The following SPON1 variants were observed in gnomAD, a reference collection of about 807,000 sequenced individuals.
The protein encoded by SPON1 is spondin-1.
Under a neutral mutation model 111.7 loss-of-function variants are expected in SPON1, and 52 were observed. The observed-to-expected ratio is 0.47, with a 90% confidence interval of 0.37 to 0.59. The LOEUF (loss-of-function observed/expected upper bound fraction) is 0.59, where lower values mean the gene tolerates loss of function less well. SPON1 is among the 20% of genes least tolerant of loss of function. SPON1 has a pLI of 0.00. For synonymous variants in SPON1, 410 were observed against 395.8 expected (o/e 1.04, Z -0.43); for missense variants, 957 against 1,068.5 (o/e 0.90, Z 1.46).
chr11:14,009,281 T>G (rs1554913495), intron 2 of SPON1, among the ~76,000 whole-genome samples: 1 of 152,192 alleles, frequency 6.6e-6, no homozygotes, highest in East Asian at 1.9e-4. Flanking sequence ...TGACCCCTAC[T>G]CATCTCTCCA....
chr11:14,024,810 C>T (rs555062585), intron 2 of SPON1, among the ~76,000 whole-genome samples: 2 of 152,334 alleles, frequency 1.3e-5, no homozygotes, highest in African/African-American at 4.8e-5. Flanking sequence ...GCCCTACTTC[C>T]GCATCACTGA....
At chr11:13,964,078 C>G (rs953681261) in intron 1 of SPON1, among the ~76,000 whole-genome samples, 1 of 152,182 alleles carries the variant, frequency 6.6e-6, no homozygotes, top group African/African-American at 2.4e-5. Flanking sequence ...TCGACCAGCA[C>G]CGATCTGAAG....
At chr11:14,104,141 A>G (rs558221246) in intron 5 of SPON1, among the ~76,000 whole-genome samples, 18 of 152,022 alleles carry the variant, frequency 1.2e-4, no homozygotes, top group African/African-American at 4.3e-4. Context: ...TAGTGTTTTT[A>G]TCCTTTTTCT....
chr11:14,115,973 G>A (rs561013334), intron 5 of SPON1, among the ~76,000 whole-genome samples: 13 of 152,256 alleles, frequency 8.5e-5, no homozygotes, highest in East Asian at 1.9e-4. Context: ...GTGATATCAC[G>A]TTGGGATTTT....
chr11:14,144,633 CCAATAATAATAA>C (rs1339700989), intron 6 of SPON1, among the ~76,000 whole-genome samples: 4 of 123,970 alleles, frequency 3.2e-5, no homozygotes, highest in East Asian at 2.2e-4. Context: ...GACTCCATCT[CCAATAATAATAA>C]TAATAATAAT....
intron 6 of SPON1, among the ~76,000 whole-genome samples, chr11:14,218,445 T>TA (rs782605751): frequency 9.2e-5 from 14 of 152,294 alleles, no homozygotes; most frequent in Non-Finnish European, 1.5e-4. Flanking sequence ...GTCCCCCTGA[T>TA]AAAATATGAT....
intron 6 of SPON1, among the ~76,000 whole-genome samples, chr11:14,210,887 A>G (rs1848568249): frequency 6.6e-6 from 1 of 152,124 alleles, no homozygotes; most frequent in South Asian, 2.1e-4. Context: ...TGTTTTTGTC[A>G]GGTTTGTCAA....
intron 14 of SPON1, 102 bp downstream of exon 14, chr11:14,260,854 G>T: frequency 7.6e-7 from 1 of 1,313,664 alleles, no homozygotes; most frequent in South Asian, 1.5e-5. Context: ...GAATAACATG[G>T]TTTGCTGGGG....
chr11:13,963,387 G>A (rs782604594), intron 1 of SPON1, among the ~76,000 whole-genome samples: 1 of 152,218 alleles, frequency 6.6e-6, no homozygotes, highest in Non-Finnish European at 1.5e-5. Context: ...TCCGACGCGC[G>A]GTTCCCAGGC....
At chr11:14,149,947 C>T (rs1288866859) in intron 6 of SPON1, among the ~76,000 whole-genome samples, 2 of 152,082 alleles carry the variant, frequency 1.3e-5, no homozygotes, top group Non-Finnish European at 2.9e-5. Context: ...CCTTAAGGCA[C>T]TCCTAGTCTC....
At chr11:14,102,502 A>G (rs1554924484) in intron 5 of SPON1, among the ~76,000 whole-genome samples, 1 of 152,200 alleles carries the variant, frequency 6.6e-6, no homozygotes, top group African/African-American at 2.4e-5. Context: ...CCACATTTCA[A>G]TCACACAGTA....
chr11:13,969,812 A>G (rs782461634), intron 1 of SPON1, among the ~76,000 whole-genome samples: 20 of 152,248 alleles, frequency 1.3e-4, no homozygotes, highest in Non-Finnish European at 1.8e-4. Context: ...ACGAATTGGC[A>G]TGTATCAATA....
At chr11:14,049,117 GTAAGTGACAGAGTTGGGATTCAA>G (rs1848690176) in intron 3 of SPON1, among the ~76,000 whole-genome samples, 1 of 152,184 alleles carries the variant, frequency 6.6e-6, no homozygotes. Flanking sequence ...AGGTCACAGA[GTAAGTGACAGAGTTGGGATTCAA>G]ACAGAAGCAT....
chr11:14,175,563 ACAGC>A (rs1288230295), intron 6 of SPON1, among the ~76,000 whole-genome samples: 2 of 152,206 alleles, frequency 1.3e-5, no homozygotes, highest in Non-Finnish European at 2.9e-5. Context: ...CAGATTTGCT[ACAGC>A]CTAAGACTAG....
intron 6 of SPON1, among the ~76,000 whole-genome samples, chr11:14,174,346 A>G (rs1848148244): frequency 6.6e-6 from 1 of 152,204 alleles, no homozygotes; most frequent in Admixed American, 6.5e-5. Flanking sequence ...CAAGTGTGCT[A>G]AGAGTCAAGT....
chr11:13,964,456 G>GCC (rs1554907848), intron 1 of SPON1, among the ~76,000 whole-genome samples: 1 of 152,184 alleles, frequency 6.6e-6, no homozygotes, highest in Non-Finnish European at 1.5e-5. Flanking sequence ...CCAGGGTCAC[G>GCC]CCGGAGACCA....
chr11:14,229,915 C>CAT (rs1848777817), intron 6 of SPON1, among the ~76,000 whole-genome samples: 2 of 150,160 alleles, frequency 1.3e-5, no homozygotes, highest in Admixed American at 6.6e-5. Flanking sequence ...GAGAGGCCAG[C>CAT]CTGTGTGTGT....
At chr11:14,244,853 C>T (rs115879693) in intron 7 of SPON1, among the ~76,000 whole-genome samples, 4 of 152,196 alleles carry the variant, frequency 2.6e-5, no homozygotes, top group South Asian at 2.1e-4. Flanking sequence ...GTTTAGCGTG[C>T]GCAGGTGGGC....
At chr11:14,006,653 T>C (rs1246044219) in intron 2 of SPON1, among the ~76,000 whole-genome samples, 1 of 152,080 alleles carries the variant, frequency 6.6e-6, no homozygotes, top group African/African-American at 2.4e-5. Context: ...TCTCTCCTCT[T>C]CCCTCCTTAG....
Sources: allele counts gnomAD v4.1 joint callset (sites outside exome capture counted in the v4.1 genomes callset), GRCh38; gene constraint gnomAD v4.1.1; transcripts MANE v1.5; gene names NCBI Gene and HGNC (gene_info 2026-07-23, HGNC 2026-07-21).